Variants in TTLL11 observed in about 807,000 individuals in gnomAD.
The protein encoded by TTLL11 is tubulin polyglutamylase TTLL11.
In TTLL11, 42 loss-of-function variants were observed where a neutral mutation model predicts 51.7. The observed-to-expected ratio is 0.81, with a 90% CI of 0.64 to 1.05. TTLL11 has a LOEUF of 1.05. Ranked by LOEUF, TTLL11 falls within the 50% of genes least tolerant of loss-of-function variation. The pLI is 0.00. For missense variants in TTLL11, 799 were observed against 940.4 expected (o/e 0.85, Z 1.97); for synonymous variants, 381 against 383.5 (o/e 0.99, Z 0.08).
intron 6 of TTLL11, among the ~76,000 whole-genome samples, chr9:121,923,027 C>T (rs1036246435): frequency 2.6e-5 from 4 of 152,150 alleles, no homozygotes; most frequent in East Asian, 1.9e-4. Flanking sequence ...TGAAGGGGCA[C>T]GCATGGGCAT....
chr9:121,826,856 G>A (rs1197879570), intron 8 of TTLL11, among the ~76,000 whole-genome samples: 1 of 152,028 alleles, frequency 6.6e-6, no homozygotes, highest in Admixed American at 6.5e-5. Context: ...GAGATGTGCT[G>A]GGGGTGGTCG....
intron 1 of TTLL11, among the ~76,000 whole-genome samples, chr9:122,055,203 G>GGATAGATA (rs1222958113): frequency 0.48 from 68,711 of 144,418 alleles, 16,664 homozygotes; most frequent in Middle Eastern, 0.55. Flanking sequence ...AGGACTAATA[G>GGATAGATA]GATAGATAGA....
At chr9:121,946,447 A>G (rs1391538758) in intron 6 of TTLL11, among the ~76,000 whole-genome samples, 5 of 152,228 alleles carry the variant, frequency 3.3e-5, no homozygotes, top group Admixed American at 1.3e-4. Flanking sequence ...ATGGCCGACT[A>G]GGCAAAGCAG....
intron 6 of TTLL11, among the ~76,000 whole-genome samples, chr9:121,889,353 T>A (rs538729660): frequency 3.7e-4 from 56 of 152,342 alleles, no homozygotes; most frequent in African/African-American, 1.3e-3. Context: ...CTTGGAATAC[T>A]TTTTTAATTT....
At chr9:121,973,207 T>G (rs1460061271) in intron 6 of TTLL11, among the ~76,000 whole-genome samples, 2 of 152,214 alleles carry the variant, frequency 1.3e-5, no homozygotes, top group African/African-American at 4.8e-5. Flanking sequence ...CGCAATGTAA[T>G]GTACCACTGA....
At chr9:121,924,321 C>T (rs1840642407) in intron 6 of TTLL11, among the ~76,000 whole-genome samples, 1 of 152,198 alleles carries the variant, frequency 6.6e-6, no homozygotes, top group Admixed American at 6.5e-5. Context: ...ATGTTTCCTT[C>T]CCATCTGAGT....
chr9:121,896,007 TG>T (rs2131460305), intron 6 of TTLL11, among the ~76,000 whole-genome samples: 1 of 146,110 alleles, frequency 6.8e-6, no homozygotes, highest in South Asian at 2.2e-4. Context: ...TGAGTGTGTA[TG>T]TGTGGTTGTG....
intron 1 of TTLL11, among the ~76,000 whole-genome samples, chr9:122,079,577 C>T (rs914847639): frequency 5.9e-5 from 9 of 151,828 alleles, no homozygotes; most frequent in African/African-American, 9.7e-5. Flanking sequence ...GGCGTGGTGG[C>T]GGGCGCCTAT....
chr9:121,917,475 A>AGAAAGAAAAGAAAAGGAAAGAAAAG (rs1840368694), intron 6 of TTLL11, among the ~76,000 whole-genome samples: 3 of 136,626 alleles, frequency 2.2e-5, no homozygotes, highest in Non-Finnish European at 4.6e-5. Flanking sequence ...CACTGTTGAA[A>AGAAAGAAAAGAAAAGGAAAGAAAAG]GAAAGAAAAG....
At chr9:121,937,213 G>A (rs1564314926) in intron 6 of TTLL11, among the ~76,000 whole-genome samples, 1 of 152,132 alleles carries the variant, frequency 6.6e-6, no homozygotes, top group Admixed American at 6.5e-5. Context: ...GTGGAAAAAC[G>A]GACGTGAATA....
chr9:122,017,303 G>A (rs977023227), intron 3 of TTLL11, among the ~76,000 whole-genome samples: 7 of 151,992 alleles, frequency 4.6e-5, no homozygotes, highest in African/African-American at 1.7e-4. Context: ...CGTCAAAAAC[G>A]TCAATGCATT....
At chr9:121,930,704 G>A (rs902347848) in intron 6 of TTLL11, among the ~76,000 whole-genome samples, 2 of 152,208 alleles carry the variant, frequency 1.3e-5, no homozygotes, top group Non-Finnish European at 2.9e-5. Context: ...GGTCTGCCAC[G>A]CCATCAGGTG....
Position 122,021,325 on chromosome 9 carries a change from A to T in TTLL11, c.693+10398T>A, listed in dbSNP as rs183630538. Among the ~76,000 whole-genome samples, 5 of 152,298 alleles carry T rather than the reference A, an allele frequency of 3.3e-5. No individual in the cohort carries two copies. The East Asian group carries it at 9.6e-4, about 29-fold the overall frequency. The stretch of plus-strand genomic sequence containing the variant: ...GAACTGTGAGTCAGGGAAGACTGAG[A>T]TAGCCAGGGTTCTCAGGACAGAGTA... On this transcript the variant is annotated intron_variant, in intron 3 of 8. Transcript: ENST00000321582.
At chr9:121,824,996 A>C (rs1439816402) in intron 8 of TTLL11, among the ~76,000 whole-genome samples, 1 of 152,208 alleles carries the variant, frequency 6.6e-6, no homozygotes, top group East Asian at 1.9e-4. Flanking sequence ...TTTTGACTGC[A>C]GACATCCTAC....
chr9:122,031,677 C>G lies in TTLL11; in HGVS notation c.693+46G>C, dbSNP rs755376743. 3 of 1,598,292 alleles carry G rather than the reference C, an allele frequency of 1.9e-6. No homozygotes were observed. The Admixed American group carries it at 5.1e-5, about 27-fold the overall frequency. Reference sequence around the variant, plus strand: ...GCACACAGGACCCAGGACACAGTTGCAAGCATAATATAATTCAGGGGTCAT... The same window carrying G: ...GCACACAGGACCCAGGACACAGTTGGAAGCATAATATAATTCAGGGGTCAT... On this transcript the variant is annotated intron_variant, in intron 3 of 8. Transcript: ENST00000321582.
chr9:121,958,119 C>T (rs373008062), intron 6 of TTLL11, among the ~76,000 whole-genome samples: 1 of 152,150 alleles, frequency 6.6e-6, no homozygotes, highest in South Asian at 2.1e-4. Context: ...GAACAGTATG[C>T]TCATTGTCTA....
intron 8 of TTLL11, among the ~76,000 whole-genome samples, chr9:121,844,894 AAT>A (rs1837471889): frequency 6.6e-6 from 1 of 152,166 alleles, no homozygotes. Context: ...AAAAGTACAA[AAT>A]ATATGTTATG....
chr9:121,920,679 G>A (rs1180304492), intron 6 of TTLL11, among the ~76,000 whole-genome samples: 3 of 152,186 alleles, frequency 2.0e-5, no homozygotes, highest in Non-Finnish European at 4.4e-5. Flanking sequence ...TAGGATCTGT[G>A]GGCAAGGCCA....
chr9:121,986,325 T>C (rs1347982119), intron 4 of TTLL11, among the ~76,000 whole-genome samples: 1 of 152,206 alleles, frequency 6.6e-6, no homozygotes, highest in Non-Finnish European at 1.5e-5. Flanking sequence ...CAGGGCTCTG[T>C]GGCTTGGCTC....
Sources: gnomAD v4.1 joint callset for allele counts (sites outside exome capture counted in the v4.1 genomes callset) on GRCh38, gnomAD v4.1.1 for gene constraint, MANE v1.5 for transcripts, NCBI Gene and HGNC (gene_info 2026-07-23, HGNC 2026-07-21) for gene names.